PIEZO2: variants seen among roughly 807,000 people sequenced by gnomAD.
PIEZO2 encodes the protein piezo type mechanosensitive ion channel component 2.
In PIEZO2, 172 loss-of-function variants were observed where a neutral mutation model predicts 337.3. The observed-to-expected ratio is 0.51, with a 90% CI of 0.45 to 0.58. The LOEUF is 0.58. PIEZO2 is among the 20% of genes least tolerant of loss of function. The pLI is 0.00. For synonymous variants in PIEZO2, 1,251 were observed against 1,228.5 expected (o/e 1.02, Z -0.38); for missense variants, 3,028 against 3,391.3 (o/e 0.89, Z 2.66).
intron 1 of PIEZO2, among the ~76,000 whole-genome samples, chr18:11,140,836 A>ACACTCAGG (rs1423445376): frequency 6.6e-6 from 1 of 152,218 alleles, no homozygotes; most frequent in Non-Finnish European, 1.5e-5. Flanking sequence ...GAAGATTCCT[A>ACACTCAGG]CACTCAGGCT....
chr18:10,938,594 C>T (rs1304473535), intron 3 of PIEZO2, among the ~76,000 whole-genome samples: 1 of 152,070 alleles, frequency 6.6e-6, no homozygotes, highest in Admixed American at 6.5e-5. Context: ...TTAGGCTTTA[C>T]CTGTCATGAA....
chr18:10,913,151 A>G (rs1242029415), intron 3 of PIEZO2, among the ~76,000 whole-genome samples: 1 of 152,210 alleles, frequency 6.6e-6, no homozygotes, highest in Non-Finnish European at 1.5e-5. Context: ...ATAATTGCAC[A>G]TATTTATGGG....
In PIEZO2 at chr18:10,800,495, AG is replaced by A; in HGVS notation, c.1240-21del. ...CAGGCCCTGCCGGGAGTGCAGAGAA[AG>A]GGACAACTGTTACAGCAGCTCTGGG... On this transcript the variant is annotated intron_variant, in intron 10 of 55. Transcript: ENST00000674853. The A allele has an allele frequency of 6.6e-7, 1 of 1,521,058 alleles. No individual in the cohort carries two copies. The highest frequency in any genetic ancestry group is 1.2e-5 in the South Asian group (1 of 81,574). The allele number at this position is 1,521,058 out of a possible 1,614,324, so 94.2% of individuals were successfully genotyped here.
rs2039264789 is a variant in PIEZO2 at position 11,096,408 on chromosome 18, TC to T, written c.65-30187del. Among the ~76,000 whole-genome samples the T allele has an allele frequency of 6.6e-6, 1 of 152,188 alleles. No individual in the cohort carries two copies. Among genetic ancestry groups the T allele is most frequent in the Non-Finnish European group, 1.5e-5 (1 of 68,022 alleles). On this transcript the variant is annotated intron_variant, in intron 1 of 55. Transcript: ENST00000674853. This position sits in a 1 kb window ranked among gnomAD's most constrained non-coding sequence, Gnocchi z 4.6. ...ACAAAGGTGGACATCAGAGCAGAAA[TC>T]CAGGAGCCTGGTCCCGGGCTCCACA...
At position 10,704,427 on chromosome 18, in the gene PIEZO2, G is replaced by A. The variant is rs772851908; in HGVS notation, c.6225C>T (p.Arg2075=). ...WAMLSVPRPS[R]RFWMMAIVYT... ...AGACGATGGCCATCATCCAGAACCG[G>A]CGGCTGGGCCTGGGGACGGACAACA... Residue 2075 remains arginine, a synonymous_variant, in exon 42 of 56, where the codon CGC becomes CGT. Transcript: ENST00000674853. 3.3e-6 allele frequency: 5 copies of A among 1,537,212 alleles called. No individual in the cohort carries two copies. Among genetic ancestry groups the A allele is most frequent in the Middle Eastern group, 3.3e-4 (2 of 5,988 alleles).
At chr18:11,064,290 G>A (rs56248605) in intron 2 of PIEZO2, among the ~76,000 whole-genome samples, 4,412 of 152,264 alleles carry the variant, frequency 0.029, 202 homozygotes, top group African/African-American at 0.097. Context: ...ATTAGTCATG[G>A]TTCTTGGTGC....
At chr18:10,696,000 T>A in intron 47 of PIEZO2, 74 bp downstream of exon 47, 4 of 1,396,370 alleles carry the variant, frequency 2.9e-6, no homozygotes, top group Non-Finnish European at 4.1e-6. Context: ...TGCTGTGCAA[T>A]GCATGCGAGT....
In PIEZO2 at chr18:10,855,593, G is replaced by A. The variant is rs1418011958; in HGVS notation, c.704-27C>T. On this transcript the variant is annotated intron_variant, in intron 6 of 55. Coordinates refer to ENST00000674853, the MANE Select transcript of PIEZO2 (RefSeq NM_001378183.1). The surrounding 1 kb of genome is among the most constrained non-coding windows in gnomAD (Gnocchi z 4.9). ...TAAGGAAGAGAAACGTAATCACAAA[G>A]TCAGGTAGAACTGGAAATTCACTTA... 2 of 1,486,250 alleles carry A rather than the reference G, an allele frequency of 1.3e-6. No individual in the cohort carries two copies. The highest frequency in any genetic ancestry group is 2.8e-5 in the African/African-American group (2 of 71,708). 92.1% of individuals were successfully genotyped at this position (1,486,250 alleles called of 1,614,324 possible). A position where few individuals can be genotyped will look rare whatever the true frequency, so the allele number is the denominator to read the frequency against.
Position 11,081,050 on chromosome 18 carries a change from T to C in PIEZO2, c.65-14828A>G, listed in dbSNP as rs568709361. The stretch of plus-strand genomic sequence containing the variant: ...TGCTGGAAAAATAATATTTGGGTAA[T>C]AATTTCCACTTAGGCATCCAGAAAG... On this transcript the variant is annotated intron_variant, in intron 1 of 55. Coordinates refer to ENST00000674853, the MANE Select transcript of PIEZO2 (RefSeq NM_001378183.1). 1.2e-4 allele frequency among the ~76,000 whole-genome samples: 19 copies of C among 152,238 alleles called. No homozygotes were observed. The East Asian group carries it at 3.7e-3, about 29-fold the overall frequency.
In PIEZO2 at chr18:10,707,371, G is replaced by C. The variant is rs957888110; in HGVS notation, c.5588+904C>G. On this transcript the variant is annotated intron_variant, in intron 40 of 55. Transcript: ENST00000674853. The surrounding 1 kb of genome is among the most constrained non-coding windows in gnomAD (Gnocchi z 4.2). ...CATGGCAGGCACATGCCCGCCAGAG[G>C]ACTTTGTCAAATGGCCAAGGCATTC... 6.6e-6 allele frequency among the ~76,000 whole-genome samples: 1 copy of C among 152,082 alleles called. No individual in the cohort carries two copies. Among genetic ancestry groups the C allele is most frequent in the Non-Finnish European group, 1.5e-5 (1 of 68,016 alleles).
intron 2 of PIEZO2, among the ~76,000 whole-genome samples, chr18:11,059,773 T>C (rs1423473588): frequency 1.3e-5 from 2 of 152,174 alleles, no homozygotes; most frequent in Admixed American, 6.5e-5. Context: ...CTTAGAGACC[T>C]AGAAAGAGAC....
intron 39 of PIEZO2, among the ~76,000 whole-genome samples, chr18:10,712,180 T>A (rs190702888): frequency 6.6e-6 from 1 of 152,348 alleles, no homozygotes; most frequent in East Asian, 1.9e-4. Context: ...GCAGCACCAG[T>A]CAGCATCTCG....
At chr18:10,706,924 C>T (rs917744939) in intron 40 of PIEZO2, among the ~76,000 whole-genome samples, 1 of 152,102 alleles carries the variant, frequency 6.6e-6, no homozygotes, top group Non-Finnish European at 1.5e-5. Flanking sequence ...AGACTGTACC[C>T]ATGTTTCTTG....
intron 28 of PIEZO2, among the ~76,000 whole-genome samples, chr18:10,751,763 T>C (rs769016307): frequency 5.9e-5 from 9 of 152,182 alleles, no homozygotes; most frequent in Non-Finnish European, 1.2e-4. Context: ...GGGATAAACC[T>C]TAAGTGAGCG....
Position 10,773,742 on chromosome 18 carries a change from C to G in PIEZO2, c.2568-113G>C, listed in dbSNP as rs2038687380. 1 of 1,005,442 alleles carries G rather than the reference C, an allele frequency of 9.9e-7. No individual in the cohort carries two copies. The highest frequency in any genetic ancestry group is 1.6e-5 in the African/African-American group (1 of 61,972). 62.3% of individuals were successfully genotyped at this position (1,005,442 alleles called of 1,614,324 possible). ...ATGAAATCAGTGCATGTACAAAGAC[C>G]TCACAAGGTGGGGTGTTAGCGTTTT... On this transcript the variant is annotated intron_variant, in intron 19 of 55. Coordinates refer to ENST00000674853, the MANE Select transcript of PIEZO2 (RefSeq NM_001378183.1). This position sits in a 1 kb window ranked among gnomAD's most constrained non-coding sequence, Gnocchi z 5.3.
chr18:11,053,016 G>A (rs118049105), intron 2 of PIEZO2, among the ~76,000 whole-genome samples: 2,249 of 152,316 alleles, frequency 0.015, 14 homozygotes, highest in Non-Finnish European at 0.022. Context: ...CACAGTGGCT[G>A]AGTGTGGCTC....
chr18:10,844,615 C>T lies in PIEZO2; in HGVS notation c.917+10738G>A, dbSNP rs1046490042. ...CATCCTGGCTAACATGGTGAAACCC[C>T]GTCTCTACTAAAAAATACAAAAAAA... is the stretch of plus-strand genomic sequence containing the variant. On this transcript the variant is annotated intron_variant, in intron 7 of 55. Transcript: ENST00000674853. 1.9e-4 allele frequency among the ~76,000 whole-genome samples: 29 copies of T among 151,592 alleles called. No individual in the cohort carries two copies. In the East Asian group the frequency reaches 4.9e-3, roughly 25 times the overall value.
Position 10,782,273 on chromosome 18 carries a change from C to T in PIEZO2, c.2493-1907G>A, listed in dbSNP as rs1455805898. ...GATATATTATATTATTATATGTAAACAATTATATAATATAATTATAATTAT... is the reference window on the plus strand; with the variant it reads ...GATATATTATATTATTATATGTAAATAATTATATAATATAATTATAATTAT... On this transcript the variant is annotated intron_variant, in intron 17 of 55. Coordinates refer to ENST00000674853, the MANE Select transcript of PIEZO2 (RefSeq NM_001378183.1). Among the ~76,000 whole-genome samples, 4 of 28,582 alleles carry T rather than the reference C, an allele frequency of 1.4e-4. 1 individual carries two copies. Among genetic ancestry groups the T allele is most frequent in the African/African-American group, 1.1e-4 (1 of 9,454 alleles). 18.8% of individuals were successfully genotyped at this position (28,582 alleles called of 152,430 possible).
chr18:11,140,490 A>T (rs553468685), intron 1 of PIEZO2, among the ~76,000 whole-genome samples: 1 of 152,318 alleles, frequency 6.6e-6, no homozygotes, highest in African/African-American at 2.4e-5. Context: ...ACTTTCCTCT[A>T]ATTTATGTCT....
Sources: gnomAD v4.1 joint callset for allele counts (sites outside exome capture counted in the v4.1 genomes callset) on GRCh38, gnomAD v4.1.1 for gene constraint, Gnocchi (gnomAD v3.1) non-coding constraint, MANE v1.5 for transcripts, NCBI Gene and HGNC (gene_info 2026-07-23, HGNC 2026-07-21) for gene names.